RRAGC: variants seen among roughly 807,000 people sequenced by gnomAD.
RRAGC encodes the protein Ras related GTP binding C, also known as ras-related GTP-binding protein C.
A neutral mutation model predicts 37.1 loss-of-function variants in RRAGC; 8 were observed. That is an observed-to-expected ratio of 0.22 (90% CI 0.13 to 0.39). The LOEUF (loss-of-function observed/expected upper bound fraction) is 0.39, where lower values mean the gene tolerates loss of function less well. Ranked by LOEUF, RRAGC falls within the 10% of genes least tolerant of loss-of-function variation. RRAGC has a pLI of 1.00. For synonymous variants in RRAGC, 190 were observed against 181.1 expected, an observed-to-expected ratio of 1.05 and a Z score of -0.39; for missense variants, 342 against 497.6, an observed-to-expected ratio of 0.69 and a Z score of 2.98.
intron 6 of RRAGC, among the ~76,000 whole-genome samples, chr1:38,840,240 T>C (rs1641948217): frequency 6.6e-6 from 1 of 151,326 alleles, no homozygotes; most frequent in Non-Finnish European, 1.5e-5. Flanking sequence ...AATTAGACCA[T>C]CACCTTGGCC....
intron 1 of RRAGC, 124 bp downstream of exon 1, chr1:38,859,286 T>G: frequency 2.2e-6 from 2 of 910,944 alleles, no homozygotes; most frequent in Non-Finnish European, 3.3e-6. Context: ...CTCGCAAGAG[T>G]GGAAGAGAAA....
In RRAGC at chr1:38,851,495, G is replaced by C. The variant is rs184487976; in HGVS notation, c.899+120C>G. On this transcript the variant is annotated intron_variant, in intron 5 of 6. Coordinates refer to ENST00000373001, the MANE Select transcript of RRAGC (RefSeq NM_022157.4). ...GCTCCAAGTTAAAGCACTATGGTCAGAACAATCCCAGTTCATGTAGTACCA... is the reference window on the plus strand; with the variant it reads ...GCTCCAAGTTAAAGCACTATGGTCACAACAATCCCAGTTCATGTAGTACCA... The C allele has an allele frequency of 2.1e-5, 19 of 889,618 alleles. No individual in the cohort carries two copies. The African/African-American group carries it at 3.4e-4, about 16-fold the overall frequency. 55.1% of individuals were successfully genotyped at this position (889,618 alleles called of 1,614,324 possible). A position where few individuals can be genotyped will look rare whatever the true frequency, so the allele number is the denominator to read the frequency against.
chr1:38,841,368 A>AAT (rs1553153416), intron 6 of RRAGC, among the ~76,000 whole-genome samples: 27 of 147,154 alleles, frequency 1.8e-4, no homozygotes, highest in Middle Eastern at 3.5e-3. Flanking sequence ...ATAAACAAAA[A>AAT]TTTTTTTTTT....
chr1:38,843,059 T>C (rs1641983105), intron 6 of RRAGC, among the ~76,000 whole-genome samples: 1 of 152,190 alleles, frequency 6.6e-6, no homozygotes, highest in South Asian at 2.1e-4. Flanking sequence ...GGCCAGGCAG[T>C]TGGCTCTCAT....
chr1:38,838,911 G>A lies in RRAGC; in HGVS notation c.*642C>T, dbSNP rs1641915891. The stretch of plus-strand genomic sequence containing the variant: ...TGCAAAAATTTTCTTCCATTTCAAA[G>A]TTTTTTCAATACTTCCGAGGGAACT... On this transcript the variant is annotated 3_prime_UTR_variant, in exon 7 of 7. Coordinates refer to ENST00000373001, the MANE Select transcript of RRAGC (RefSeq NM_022157.4). 1.3e-5 allele frequency: 2 copies of A among 152,210 alleles called. No homozygotes were observed. Among genetic ancestry groups the A allele is most frequent in the South Asian group, 2.1e-4 (1 of 4,838 alleles). 9.4% of individuals were successfully genotyped at this position (152,210 alleles called of 1,614,324 possible).
chr1:38,851,542 T>TA (rs1642101157), intron 5 of RRAGC, 73 bp downstream of exon 5: 3 of 1,332,904 alleles, frequency 2.3e-6, no homozygotes, highest in Non-Finnish European at 3.0e-6. Flanking sequence ...CCTCAGAAAT[T>TA]AGTCTTCTGA....
chr1:38,842,173 G>A (rs955267837), intron 6 of RRAGC, among the ~76,000 whole-genome samples: 1 of 152,214 alleles, frequency 6.6e-6, no homozygotes, highest in Non-Finnish European at 1.5e-5. Flanking sequence ...TTGGGAGGCT[G>A]AGGCAGGAGA....
intron 6 of RRAGC, among the ~76,000 whole-genome samples, chr1:38,844,542 A>G (rs1321825075): frequency 6.6e-6 from 1 of 152,050 alleles, no homozygotes; most frequent in Non-Finnish European, 1.5e-5. Flanking sequence ...AAGCAAAGAG[A>G]GAAGAAAGTT....
At chr1:38,847,560 A>G (rs1642044006) in intron 5 of RRAGC, 1 of 149,102 alleles carries the variant, frequency 6.7e-6, no homozygotes. Flanking sequence ...TTTTCCGTGT[A>G]TTTTTTTTTT....
chr1:38,839,576 C>T lies in RRAGC; in HGVS notation c.1177G>A (p.Gly393Ser). The T allele has an allele frequency of 1.9e-6, 3 of 1,614,072 alleles. No individual in the cohort carries two copies. The highest frequency in any genetic ancestry group is 2.2e-5 in the South Asian group (2 of 91,080). The change falls in exon 7 of 7, where the codon GGC becomes AGC. Residue 393 changes from glycine (G) to serine (S), a missense_variant. Coordinates refer to ENST00000373001, the MANE Select transcript of RRAGC (RefSeq NM_022157.4). ...GACTAGATGGCGTTTCGTGGCGTGC[C>T]ATTGTGTGTCAGCGCTTTCAGACTG... ...ASSLKALTHN[G>S]TPRNAI
Position 38,838,539 on chromosome 1 carries a change from G to T in RRAGC, c.*1014C>A, listed in dbSNP as rs1362922530. ...ATTATGAATTCATATCCTAGGCAAA[G>T]AAAGTACCACAGTTGACACTTGGTG... On this transcript the variant is annotated 3_prime_UTR_variant, in exon 7 of 7. Coordinates refer to ENST00000373001, the MANE Select transcript of RRAGC (RefSeq NM_022157.4). 6.6e-6 allele frequency: 1 copy of T among 152,230 alleles called. No individual in the cohort carries two copies. The highest frequency in any genetic ancestry group is 1.5e-5 in the Non-Finnish European group (1 of 68,046). The allele number at this position is 152,230 out of a possible 1,614,324, so 9.4% of individuals were successfully genotyped here.
At position 38,859,313 on chromosome 1, in the gene RRAGC, C is replaced by A. The variant is rs574679261; in HGVS notation, c.237+97G>T. ...GAAGAGAAAGTGCGGAGGGACGGAG[C>A]GCAGGCGGGCCCCGGCCGCCGCCCT... is the stretch of plus-strand genomic sequence containing the variant. On this transcript the variant is annotated intron_variant, in intron 1 of 6. Transcript: ENST00000373001. 125 of 1,121,854 alleles carry A rather than the reference C, an allele frequency of 1.1e-4. 1 individual carries two copies. The highest frequency in any genetic ancestry group is 6.6e-4 in the Admixed American group (27 of 41,174). 69.5% of individuals were successfully genotyped at this position (1,121,854 alleles called of 1,614,324 possible).
At chr1:38,845,882 C>A in intron 6 of RRAGC, 57 bp downstream of exon 6, 2 of 1,423,678 alleles carry the variant, frequency 1.4e-6, no homozygotes, top group Non-Finnish European at 9.6e-7. Flanking sequence ...TTTTCAAGAA[C>A]CTGAGAAGTT....
intron 3 of RRAGC, among the ~76,000 whole-genome samples, chr1:38,853,070 A>G (rs956990432): frequency 2.0e-5 from 3 of 152,250 alleles, no homozygotes; most frequent in African/African-American, 7.2e-5. Flanking sequence ...TCCAGGGGAA[A>G]GAGACTTTGT....
At position 38,859,450 on chromosome 1, in the gene RRAGC, A is replaced by T; in HGVS notation, c.197T>A (p.Leu66His). The change falls in exon 1 of 7, where the codon CTC becomes CAC. Residue 66 changes from leucine to histidine, a missense_variant. By Grantham distance (99) the Leu-to-His change is moderately conservative (BLOSUM62 -3). Transcript: ENST00000373001. ...CTTGCCGCTGCGCCGGAGTCCCATG[A>T]GCAGAATCCTCGGCTTGGAGCTGTC... Reference protein sequence around the residue: ...GADSSKPRILLMGLRRSGKSS... With the variant: ...GADSSKPRILHMGLRRSGKSS... 6.5e-7 allele frequency: 1 copy of T among 1,548,358 alleles called. No homozygotes were observed. Among genetic ancestry groups the T allele is most frequent in the Non-Finnish European group, 8.7e-7 (1 of 1,146,620 alleles).
chr1:38,851,596 G>C lies in RRAGC; in HGVS notation c.899+19C>G, dbSNP rs746683580. The C allele has an allele frequency of 6.8e-7, 1 of 1,476,890 alleles. No homozygotes were observed. Among genetic ancestry groups the C allele is most frequent in the Admixed American group, 2.6e-5 (1 of 38,118 alleles). 91.5% of individuals were successfully genotyped at this position (1,476,890 alleles called of 1,614,324 possible). A position where few individuals can be genotyped will look rare whatever the true frequency, so the allele number is the denominator to read the frequency against. ...TTTCCGCCTGTCTGAGATATTGCAG[G>C]AATATATACATAACTTACCCATATA... On this transcript the variant is annotated intron_variant, in intron 5 of 6. Transcript: ENST00000373001.
chr1:38,856,089 T>A (rs1642164148), intron 2 of RRAGC, among the ~76,000 whole-genome samples, 182 bp from the exon 3 acceptor site: 1 of 152,176 alleles, frequency 6.6e-6, no homozygotes, highest in East Asian at 1.9e-4. Context: ...GATAAAAAAA[T>A]TCAATTACCA....
chr1:38,853,624 G>A (rs1462274171), intron 3 of RRAGC, among the ~76,000 whole-genome samples: 1 of 152,074 alleles, frequency 6.6e-6, no homozygotes, highest in Non-Finnish European at 1.5e-5. Flanking sequence ...GCGCATGCCT[G>A]TAATCCCAGC....
intron 5 of RRAGC, among the ~76,000 whole-genome samples, chr1:38,848,649 T>C (rs1642055714): frequency 6.6e-6 from 1 of 152,180 alleles, no homozygotes; most frequent in East Asian, 1.9e-4. Flanking sequence ...GTTTTAACAG[T>C]TTTTAAGACT....
Sources: allele counts gnomAD v4.1 joint callset (sites outside exome capture counted in the v4.1 genomes callset), GRCh38; gene constraint gnomAD v4.1.1; transcripts MANE v1.5; gene names NCBI Gene and HGNC (gene_info 2026-07-23, HGNC 2026-07-21).